Variants in CNOT6L observed in about 807,000 individuals in gnomAD.
The protein encoded by CNOT6L is CCR4-NOT transcription complex subunit 6-like.
In CNOT6L, 7 loss-of-function variants were observed where a neutral mutation model predicts 64.0. That is an observed-to-expected ratio of 0.11 (90% CI 0.06 to 0.21). The LOEUF (loss-of-function observed/expected upper bound fraction) is 0.21. CNOT6L is among the 10% of genes least tolerant of loss of function. The pLI is 1.00. For missense variants in CNOT6L, 245 were observed against 669.0 expected (o/e 0.37, Z 6.99); for synonymous variants, 193 against 243.4 (o/e 0.79, Z 1.93).
intron 9 of CNOT6L, among the ~76,000 whole-genome samples, chr4:77,730,866 A>G (rs965939674): frequency 1.3e-5 from 2 of 152,096 alleles, no homozygotes; most frequent in Non-Finnish European, 1.5e-5. Flanking sequence ...CTGTGTATGA[A>G]GTACATAATG....
rs991155030 is a variant in CNOT6L, at chr4:77,755,560, T to C, written c.490+1302A>G. Among the ~76,000 whole-genome samples the C allele has an allele frequency of 2.5e-4, 38 of 152,338 alleles. 1 individual carries two copies. Among genetic ancestry groups the C allele is most frequent in the Admixed American group, 2.5e-3 (38 of 15,302 alleles). On this transcript the variant is annotated intron_variant, in intron 5 of 11. Coordinates refer to ENST00000504123, the MANE Select transcript of CNOT6L (RefSeq NM_144571.3). ...AGTTAGAAACAGCATACACATGCTA[T>C]GTATACAGCTTCATTAAATTGCCAC... is the stretch of plus-strand genomic sequence containing the variant.
intron 1 of CNOT6L, among the ~76,000 whole-genome samples, chr4:77,797,129 G>GT (rs1730955399): frequency 2.2e-5 from 1 of 45,998 alleles, no homozygotes; most frequent in Non-Finnish European, 5.6e-5. Flanking sequence ...AAAAAAAACT[G>GT]CCAAGGATAT....
At chr4:77,736,266 A>G (rs1722934699) in intron 8 of CNOT6L, among the ~76,000 whole-genome samples, 1 of 152,232 alleles carries the variant, frequency 6.6e-6, no homozygotes. Flanking sequence ...TAGTTGAACC[A>G]AATAAAGTTC....
At position 77,774,707 on chromosome 4, in the gene CNOT6L, C is replaced by T. The variant is rs201813498; in HGVS notation, c.137G>A (p.Arg46Gln). Residue 46 changes from arginine to glutamine, a missense_variant, in exon 3 of 12, where the codon CGG (arginine) becomes CAG (glutamine). By Grantham distance (43) the Arg-to-Gln change is conservative. Coordinates refer to ENST00000504123, the MANE Select transcript of CNOT6L (RefSeq NM_144571.3). ...WAELEISGRV[R>Q]SLSTSLWSLT... ...TGACCAAAGTGATGTACTTAGGCTC[C>T]GCACTCTACCTAAAAGGCAAAATAC... 3.8e-6 allele frequency: 6 copies of T among 1,579,024 alleles called. No homozygotes were observed. The highest frequency in any genetic ancestry group is 2.3e-5 in the East Asian group (1 of 43,562).
intron 4 of CNOT6L, among the ~76,000 whole-genome samples, chr4:77,771,385 G>C (rs1727548020): frequency 6.6e-6 from 1 of 152,070 alleles, no homozygotes; most frequent in Non-Finnish European, 1.5e-5. Flanking sequence ...ATCAATATCG[G>C]GAAGAAGAAA....
intron 4 of CNOT6L, among the ~76,000 whole-genome samples, chr4:77,763,320 G>C (rs1004924694): frequency 2.1e-4 from 32 of 152,050 alleles, no homozygotes; most frequent in South Asian, 6.2e-4. Flanking sequence ...ATGGATGAGA[G>C]AATATATACT....
chr4:77,809,539 A>G (rs1429648777), intron 1 of CNOT6L, among the ~76,000 whole-genome samples: 2 of 152,152 alleles, frequency 1.3e-5, no homozygotes, highest in African/African-American at 4.8e-5. Flanking sequence ...ATTGCAGAAG[A>G]TTGTACTAAA....
At chr4:77,769,721 CTTTTA>C (rs1048239874) in intron 4 of CNOT6L, among the ~76,000 whole-genome samples, 5 of 151,950 alleles carry the variant, frequency 3.3e-5, no homozygotes, top group Non-Finnish European at 7.4e-5. Context: ...GTTAATTATT[CTTTTA>C]TATTATATTT....
chr4:77,770,667 C>T lies in CNOT6L; in HGVS notation c.400+2414G>A, dbSNP rs533667854. On this transcript the variant is annotated intron_variant, in intron 4 of 11. Transcript: ENST00000504123. ...AATTTAACCACAGGCATAAACAAAG[C>T]TAAGTTACAGTTCGTGAAGCAGAGC... is the stretch of plus-strand genomic sequence containing the variant. 5.3e-5 allele frequency among the ~76,000 whole-genome samples: 8 copies of T among 152,242 alleles called. No homozygotes were observed. The South Asian group carries it at 8.3e-4, about 16-fold the overall frequency.
chr4:77,813,161 A>C (rs1311059676), intron 1 of CNOT6L, among the ~76,000 whole-genome samples: 2 of 152,194 alleles, frequency 1.3e-5, no homozygotes, highest in African/African-American at 4.8e-5. Flanking sequence ...GAGATATTAG[A>C]CTTCTACAAC....
intron 1 of CNOT6L, among the ~76,000 whole-genome samples, chr4:77,786,295 A>G (rs1282597250): frequency 6.6e-6 from 1 of 151,366 alleles, no homozygotes; most frequent in African/African-American, 2.4e-5. Context: ...AAAAGAAAGA[A>G]AGAGAGACAG....
chr4:77,779,093 TA>T (rs1728543662), intron 1 of CNOT6L, among the ~76,000 whole-genome samples: 3 of 143,164 alleles, frequency 2.1e-5, no homozygotes, highest in South Asian at 4.7e-4. Flanking sequence ...CACACAGGCA[TA>T]GGATTAGAAG....
intron 6 of CNOT6L, among the ~76,000 whole-genome samples, chr4:77,747,588 A>AG (rs386400558): frequency 6.6e-6 from 1 of 151,978 alleles, no homozygotes; most frequent in Non-Finnish European, 1.5e-5. Context: ...CTTGTGATTA[A>AG]AAAAAAGACA....
At chr4:77,738,536 C>T (rs1723220290) in intron 8 of CNOT6L, among the ~76,000 whole-genome samples, 1 of 152,016 alleles carries the variant, frequency 6.6e-6, no homozygotes, top group African/African-American at 2.4e-5. Flanking sequence ...GGCAGATCAC[C>T]TGAGGTCGGG....
chr4:77,790,539 T>C (rs1446139498), intron 1 of CNOT6L, among the ~76,000 whole-genome samples: 1 of 152,190 alleles, frequency 6.6e-6, no homozygotes, highest in Non-Finnish European at 1.5e-5. Context: ...CAGCAATGAA[T>C]TCCCATTGCT....
At chr4:77,766,742 A>G (rs1726870869) in intron 4 of CNOT6L, among the ~76,000 whole-genome samples, 1 of 149,260 alleles carries the variant, frequency 6.7e-6, no homozygotes, top group East Asian at 2.0e-4. Flanking sequence ...AGAAAAGAGA[A>G]AAAAAAAAAG....
At chr4:77,743,077 CA>C (rs1481454131) in intron 7 of CNOT6L, among the ~76,000 whole-genome samples, 1 of 151,966 alleles carries the variant, frequency 6.6e-6, no homozygotes, top group Non-Finnish European at 1.5e-5. Flanking sequence ...AAATAAGAAT[CA>C]AAATGTATCT....
chr4:77,799,704 C>CAA (rs71214370), intron 1 of CNOT6L, among the ~76,000 whole-genome samples: 9,555 of 90,440 alleles, frequency 0.11, 713 homozygotes, highest in Non-Finnish European at 0.14. Flanking sequence ...AACTCCATCT[C>CAA]AAAAAAAAAA....
intron 1 of CNOT6L, among the ~76,000 whole-genome samples, chr4:77,813,715 C>T (rs1733228767): frequency 6.6e-6 from 1 of 152,072 alleles, no homozygotes; most frequent in Admixed American, 6.5e-5. Context: ...ATCACACCTG[C>T]TAGAAGAACT....
Sources: allele counts gnomAD v4.1 joint callset (sites outside exome capture counted in the v4.1 genomes callset), GRCh38; gene constraint gnomAD v4.1.1; transcripts MANE v1.5; gene names NCBI Gene and HGNC (gene_info 2026-07-23, HGNC 2026-07-21).